The following ADAMTS13 variants were observed in gnomAD, a reference collection of about 807,000 sequenced individuals.
ADAMTS13 encodes the protein A disintegrin and metalloproteinase with thrombospondin motifs 13.
A neutral mutation model predicts 155.1 loss-of-function variants in ADAMTS13; 110 were observed. That is an observed-to-expected ratio of 0.71 (90% CI 0.61 to 0.83). The LOEUF is 0.83. ADAMTS13 is among the 40% of genes least tolerant of loss of function. The pLI, the probability that ADAMTS13 is intolerant of heterozygous loss-of-function variation, is 0.00. For synonymous variants in ADAMTS13, 758 were observed against 756.4 expected (o/e 1.00, Z -0.03); for missense variants, 1,707 against 1,891.7 (o/e 0.90, Z 1.81).
At chr9:133,436,789 G>A (rs782270138) in intron 11 of ADAMTS13, 40 bp from the exon 12 acceptor site, 9 of 665,688 alleles carry the variant, frequency 1.4e-5, no homozygotes, top group Admixed American at 8.2e-5. Context: ...CCCGCCCCCC[G>A]CCCCACCGCC....
At chr9:133,436,122 T>TC (rs1260513260) in intron 11 of ADAMTS13, among the ~76,000 whole-genome samples, 1 of 151,832 alleles carries the variant, frequency 6.6e-6, no homozygotes, top group Non-Finnish European at 1.5e-5. Flanking sequence ...CGGCCTGTTT[T>TC]CTGTTTTTTG....
At chr9:133,432,758 C>T (rs990099111) in intron 9 of ADAMTS13, 66 bp downstream of exon 9, 14 of 1,462,374 alleles carry the variant, frequency 9.6e-6, no homozygotes, top group Middle Eastern at 1.7e-4. Context: ...CCAGCCAGGC[C>T]GCCCTATTCC....
rs28515121 is a variant in ADAMTS13, at chr9:133,426,474, G to A, written c.686+129G>A. ...CAGAGGAGCCTGTACCCCTCACCCCGACAGACTCAGGTGTGAGGACAGGGG... is the reference window on the plus strand; with the variant it reads ...CAGAGGAGCCTGTACCCCTCACCCCAACAGACTCAGGTGTGAGGACAGGGG... On this transcript the variant is annotated intron_variant, in intron 6 of 28. Coordinates refer to ENST00000355699, the MANE Select transcript of ADAMTS13 (RefSeq NM_139027.6). 0.39 allele frequency: 501,741 copies of A among 1,277,182 alleles called. 105,590 individuals carry two copies. Among genetic ancestry groups the A allele is most frequent in the Non-Finnish European group, 0.43 (389,540 of 911,284 alleles). 79.1% of individuals were successfully genotyped at this position (1,277,182 alleles called of 1,614,324 possible).
At chr9:133,429,710 C>A (rs1840589886) in intron 7 of ADAMTS13, 1 of 703,940 alleles carries the variant, frequency 1.4e-6, no homozygotes. Flanking sequence ...ACCCGTCCCT[C>A]CGTCGCCGCT....
In ADAMTS13 at chr9:133,440,205, G is replaced by A. The variant is rs965615596; in HGVS notation, c.1787-139G>A. ...TGGAAAGAGGCCTAGAGCCTCCGCT[G>A]TGGGGAAGCCTCTAGCTCAGATGCC... On this transcript the variant is annotated intron_variant, in intron 15 of 28. Coordinates refer to ENST00000355699, the MANE Select transcript of ADAMTS13 (RefSeq NM_139027.6). This position sits in a 1 kb window ranked among gnomAD's most constrained non-coding sequence, Gnocchi z 4.3. 1 of 1,047,802 alleles carries A rather than the reference G, an allele frequency of 9.5e-7. No individual in the cohort carries two copies. The highest frequency in any genetic ancestry group is 1.4e-6 in the Non-Finnish European group (1 of 692,988). The allele number at this position is 1,047,802 out of a possible 1,614,324, so 64.9% of individuals were successfully genotyped here.
At position 133,433,651 on chromosome 9, in the gene ADAMTS13, G is replaced by C; in HGVS notation, c.1255G>C (p.Gly419Arg). 1.2e-6 allele frequency: 2 copies of C among 1,613,928 alleles called. No individual in the cohort carries two copies. Among genetic ancestry groups the C allele is most frequent in the South Asian group, 1.1e-5 (1 of 91,082 alleles). The change falls in exon 11 of 29, where the codon GGG (glycine) becomes CGG (arginine). Residue 419 changes from glycine to arginine, a missense_variant. Coordinates refer to ENST00000355699, the MANE Select transcript of ADAMTS13 (RefSeq NM_139027.6). The part of the protein sequence containing the change: ...RQCNNPRPAF[G>R]GRACVGADLQ... ...GCTGGGCATTTTCAGACCTGCCTTTGGGGGGCGTGCATGTGTTGGTGCTGA... is the reference window on the plus strand; with the variant it reads ...GCTGGGCATTTTCAGACCTGCCTTTCGGGGGCGTGCATGTGTTGGTGCTGA...
At chr9:133,415,275 C>G (rs994767012) in intron 1 of ADAMTS13, among the ~76,000 whole-genome samples, 2 of 152,164 alleles carry the variant, frequency 1.3e-5, no homozygotes, top group African/African-American at 4.8e-5. Flanking sequence ...TACAAAATGT[C>G]AAACTCATTC....
Position 133,440,122 on chromosome 9 carries a change from C to T in ADAMTS13, c.1787-222C>T, listed in dbSNP as rs36220952. On this transcript the variant is annotated intron_variant, in intron 15 of 28. Coordinates refer to ENST00000355699, the MANE Select transcript of ADAMTS13 (RefSeq NM_139027.6). This position sits in a 1 kb window ranked among gnomAD's most constrained non-coding sequence, Gnocchi z 4.3. ...CGGCACTTGCCATGGGGTCCCTGAG[C>T]CCTGAGCCTGTTGAGTTCTGTGCGT... Among the ~76,000 whole-genome samples, 107 of 152,358 alleles carry T rather than the reference C, an allele frequency of 7.0e-4. No homozygotes were observed. The highest frequency in any genetic ancestry group is 2.5e-3 in the African/African-American group (105 of 41,594).
Position 133,429,928 on chromosome 9 carries a change from C to A in ADAMTS13, c.825-11C>A. 6.5e-7 allele frequency: 1 copy of A among 1,534,894 alleles called. No homozygotes were observed. Among genetic ancestry groups the A allele is most frequent in the Non-Finnish European group, 8.7e-7 (1 of 1,145,572 alleles). On this transcript the variant is annotated splice_polypyrimidine_tract_variant and intron_variant, in intron 7 of 28. Transcript: ENST00000355699. ...GGGACTGAGCCGGGCCTGAGCCGGG[C>A]CTTGTCGCAGCGCAGGACGGGCGCG...
At chr9:133,426,492 G>T in intron 6 of ADAMTS13, 147 bp downstream of exon 6, 2 of 1,151,566 alleles carry the variant, frequency 1.7e-6, no homozygotes, top group South Asian at 1.3e-5. Flanking sequence ...CAGGTGTGAG[G>T]ACAGGGGAAC....
chr9:133,416,324 C>T (rs1839598771), intron 1 of ADAMTS13, among the ~76,000 whole-genome samples: 1 of 152,170 alleles, frequency 6.6e-6, no homozygotes, highest in Non-Finnish European at 1.5e-5. Context: ...GACCCAATAC[C>T]TCCTATGGGC....
At chr9:133,438,024 G>A in intron 13 of ADAMTS13, 127 bp downstream of exon 13, 2 of 1,553,298 alleles carry the variant, frequency 1.3e-6, no homozygotes, top group South Asian at 1.1e-5. Context: ...AGTGGTGCTG[G>A]GGAAAAGGAT....
At chr9:133,422,808 C>T (rs1337067554) in intron 1 of ADAMTS13, among the ~76,000 whole-genome samples, 1 of 151,980 alleles carries the variant, frequency 6.6e-6, no homozygotes, top group African/African-American at 2.4e-5. Context: ...TTGCTCTTCT[C>T]TGCCTCTCCC....
At chr9:133,418,766 A>G (rs997570386), upstream of ADAMTS13, among the ~76,000 whole-genome samples, 6 of 152,220 alleles carry the variant, frequency 3.9e-5, no homozygotes, top group African/African-American at 7.2e-5. Context: ...TATAGATAAC[A>G]TAACCGGTTA....
At chr9:133,422,195 G>A, upstream of ADAMTS13, 3 of 585,900 alleles carry the variant, frequency 5.1e-6, no homozygotes, top group South Asian at 4.1e-5. Context: ...TGTCTGGTGT[G>A]CAGGACTGGG....
intron 9 of ADAMTS13, among the ~76,000 whole-genome samples, chr9:133,432,918 A>G (rs1338398973): frequency 1.3e-5 from 2 of 148,522 alleles, no homozygotes; most frequent in African/African-American, 5.0e-5. Flanking sequence ...GGGGGTGCCC[A>G]TGGGTGTGGG....
At position 133,425,987 on chromosome 9, in the gene ADAMTS13, G is replaced by A; in HGVS notation, c.464G>A (p.Cys155Tyr). The change falls in exon 5 of 29, where the codon TGT becomes TAT. Residue 155 changes from cysteine (C) to tyrosine (Y), a missense_variant. Physicochemically the swap from Cys to Tyr is radical, Grantham distance 194. This residue lies in a region of ADAMTS13 where 733 missense variants were observed against 749.6 expected (regional missense o/e 0.98). Coordinates refer to ENST00000355699, the MANE Select transcript of ADAMTS13 (RefSeq NM_139027.6). The surrounding 1 kb of genome is among the most constrained non-coding windows in gnomAD (Gnocchi z 4.6). ...CTCACCTCGTCCCTGCTGAGCGTCT[G>A]TGGGTGGAGCCAGACCATCAACCCT... is the stretch of plus-strand genomic sequence containing the variant. ...ANLTSSLLSV[C>Y]GWSQTINPED... The A allele has an allele frequency of 6.2e-7, 1 of 1,614,012 alleles. No homozygotes were observed. The highest frequency in any genetic ancestry group is 8.5e-7 in the Non-Finnish European group (1 of 1,180,048).
Position 133,428,869 on chromosome 9 carries a change from G to A in ADAMTS13, c.824+98G>A, listed in dbSNP as rs1026083077. ...TACGTCCGTCCCCACTCCGCATTCA[G>A]CCCTCCTTCCTGTCCCACCCCTCCG... On this transcript the variant is annotated intron_variant, in intron 7 of 28. Transcript: ENST00000355699. 4.9e-4 allele frequency: 561 copies of A among 1,151,544 alleles called. 7 individuals carry two copies. In the East Asian group the frequency reaches 0.019, roughly 39 times the overall value. 71.3% of individuals were successfully genotyped at this position (1,151,544 alleles called of 1,614,324 possible).
At chr9:133,432,921 G>A (rs1453042077) in intron 9 of ADAMTS13, among the ~76,000 whole-genome samples, 1 of 152,016 alleles carries the variant, frequency 6.6e-6, no homozygotes, top group Non-Finnish European at 1.5e-5. Context: ...GGTGCCCATG[G>A]GTGTGGGGTT....
Sources: allele counts gnomAD v4.1 joint callset (sites outside exome capture counted in the v4.1 genomes callset), GRCh38; gene constraint gnomAD v4.1.1; regional missense constraint gnomAD v4.1.1; non-coding constraint Gnocchi (gnomAD v3.1); transcripts MANE v1.5; gene names NCBI Gene and HGNC (gene_info 2026-07-23, HGNC 2026-07-21).